The following CELF2 variants were observed in gnomAD, a reference collection of about 807,000 sequenced individuals.
CELF2 encodes CUGBP Elav-like family member 2, also known as CUG triplet repeat RNA-binding protein 2.
A neutral mutation model predicts 62.6 loss-of-function variants in CELF2; 8 were observed. That is an observed-to-expected ratio of 0.13 (90% CI 0.07 to 0.23). The LOEUF (loss-of-function observed/expected upper bound fraction) is 0.23. CELF2 is among the 10% of genes least tolerant of loss of function. The probability of loss-of-function intolerance (pLI) is 1.00; values close to 1 mark genes in which losing one functional copy is unlikely to be tolerated. For synonymous variants in CELF2, 258 were observed against 250.0 expected (o/e 1.03, Z -0.30); for missense variants, 333 against 671.0 (o/e 0.50, Z 5.56).
chr10:10,740,229 T>C, the CELF2 span, among the ~76,000 whole-genome samples: 4 of 151,702 alleles, frequency 2.6e-5, no homozygotes, highest in African/African-American at 9.7e-5. Context: ...CCCCTGTGTT[T>C]TCTTCTAGTA....
At chr10:10,747,976 G>A in the CELF2 span, among the ~76,000 whole-genome samples, 2 of 152,158 alleles carry the variant, frequency 1.3e-5, no homozygotes, top group Non-Finnish European at 2.9e-5. Context: ...CAAATGCACA[G>A]AAAGACAAAT....
At chr10:11,299,571 C>T (rs1057509893) in intron 9 of CELF2, among the ~76,000 whole-genome samples, 56 of 152,192 alleles carry the variant, frequency 3.7e-4, no homozygotes, top group African/African-American at 1.3e-3. Flanking sequence ...GGCCCGAGCC[C>T]GGTCCCATCA....
the CELF2 span, among the ~76,000 whole-genome samples, chr10:10,634,667 T>TTG: frequency 8.4e-4 from 1 of 1,192 alleles, no homozygotes; most frequent in African/African-American, 1.1e-3. Flanking sequence ...TTTTCTTTTC[T>TTG]TTTTTTTTTT....
At position 11,008,110 on chromosome 10, in the gene CELF2, A is replaced by G. The variant is rs952065093; in HGVS notation, c.53+2670A>G. Among the ~76,000 whole-genome samples, 1 of 152,216 alleles carries G rather than the reference A, an allele frequency of 6.6e-6. No individual in the cohort carries two copies. Among genetic ancestry groups the G allele is most frequent in the Admixed American group, 6.5e-5 (1 of 15,282 alleles). On this transcript the variant is annotated intron_variant, in intron 1 of 12. Transcript: ENST00000416382. The surrounding 1 kb of genome is among the most constrained non-coding windows in gnomAD (Gnocchi z 4.5). Reference sequence around the variant, plus strand: ...ACTTGTCTACATCTATTTCCACAACAGGAACAGGATACGTAATCTGTATCC... The same window carrying G: ...ACTTGTCTACATCTATTTCCACAACGGGAACAGGATACGTAATCTGTATCC...
chr10:10,985,322 TA>T (rs1294762263), intron 2 of CELF2, among the ~76,000 whole-genome samples: 41 of 146,346 alleles, frequency 2.8e-4, no homozygotes, highest in Admixed American at 2.7e-3. Flanking sequence ...CATTAATAGC[TA>T]TTAGAAGTAA....
intron 1 of CELF2, among the ~76,000 whole-genome samples, chr10:10,898,202 T>C (rs1046634700): frequency 6.6e-6 from 1 of 152,182 alleles, no homozygotes; most frequent in African/African-American, 2.4e-5. Context: ...GTATCACAGG[T>C]CCACAGACGG....
rs551050093 is a variant in CELF2, at chr10:11,020,779, C to T, written c.74+2616C>T. Reference sequence around the variant, plus strand: ...AAATAGCTTTTGAGATGAATTATTACGCTTGATAGCCCCACGAGCTATCCA... The same window carrying T: ...AAATAGCTTTTGAGATGAATTATTATGCTTGATAGCCCCACGAGCTATCCA... On this transcript the variant is annotated intron_variant, in intron 1 of 12. Transcript: ENST00000633077. Among the ~76,000 whole-genome samples the T allele has an allele frequency of 5.9e-5, 9 of 152,254 alleles. No homozygotes were observed. In the East Asian group the frequency reaches 7.7e-4, roughly 13 times the overall value.
chr10:10,694,778 G>T, the CELF2 span, among the ~76,000 whole-genome samples: 1 of 151,742 alleles, frequency 6.6e-6, no homozygotes, highest in African/African-American at 2.4e-5. Context: ...GGCCTTCTTT[G>T]TCTCTTTTGA....
chr10:11,313,273 T>C (rs910391251), intron 9 of CELF2, among the ~76,000 whole-genome samples: 2 of 152,222 alleles, frequency 1.3e-5, no homozygotes, highest in African/African-American at 4.8e-5. Context: ...TGCATAGAAA[T>C]ATACCTTCAA....
intron 9 of CELF2, among the ~76,000 whole-genome samples, chr10:11,310,092 C>T (rs2094480732): frequency 6.6e-6 from 1 of 152,182 alleles, no homozygotes; most frequent in African/African-American, 2.4e-5. Flanking sequence ...GGACCCAGTA[C>T]TCAGAATGCT....
intron 1 of CELF2, among the ~76,000 whole-genome samples, chr10:10,917,430 C>T (rs948157848): frequency 1.2e-4 from 18 of 152,148 alleles, no homozygotes; most frequent in Non-Finnish European, 2.5e-4. Flanking sequence ...GCTGTGACCT[C>T]CTGGGCTCAA....
At chr10:10,796,930 C>G, upstream of CELF2, 2 of 980,646 alleles carry the variant, frequency 2.0e-6, no homozygotes, top group South Asian at 4.7e-5. Flanking sequence ...TAATTTTAGT[C>G]TAGAGACAGT....
chr10:10,771,358 A>G, the CELF2 span, among the ~76,000 whole-genome samples: 1 of 152,152 alleles, frequency 6.6e-6, no homozygotes, highest in Non-Finnish European at 1.5e-5. Flanking sequence ...ATCTTCCCAG[A>G]TGCTGGCAGA....
At chr10:10,939,276 G>GTTATT (rs751170027) in intron 2 of CELF2, among the ~76,000 whole-genome samples, 4 of 120,364 alleles carry the variant, frequency 3.3e-5, no homozygotes, top group African/African-American at 1.2e-4. Context: ...TTTGTTTTGT[G>GTTATT]GTGTTGTTGT....
chr10:10,810,050 C>T (rs978061595), intron 1 of CELF2, among the ~76,000 whole-genome samples: 2 of 152,164 alleles, frequency 1.3e-5, no homozygotes, highest in African/African-American at 4.8e-5. Flanking sequence ...ATATTTCCCT[C>T]TAAGCCAATT....
At chr10:10,665,403 A>AAT in the CELF2 span, among the ~76,000 whole-genome samples, 13 of 151,820 alleles carry the variant, frequency 8.6e-5, no homozygotes, top group South Asian at 8.3e-4. Context: ...TGTATCCATA[A>AAT]ATATATATAT....
intron 1 of CELF2, among the ~76,000 whole-genome samples, chr10:11,078,207 G>T (rs2072718036): frequency 6.6e-6 from 1 of 151,384 alleles, no homozygotes. Flanking sequence ...TGCTCCTCCA[G>T]TTGCTGTATA....
the CELF2 span, among the ~76,000 whole-genome samples, chr10:10,590,070 T>A: frequency 9.5e-4 from 145 of 152,294 alleles, no homozygotes; most frequent in African/African-American, 3.3e-3. Flanking sequence ...GTGAGGCCAC[T>A]GTCTGGGGGT....
the CELF2 span, among the ~76,000 whole-genome samples, chr10:10,541,099 C>T: frequency 2.6e-5 from 4 of 151,722 alleles, no homozygotes; most frequent in East Asian, 1.9e-4. Flanking sequence ...AAAAATTAGC[C>T]GGGCGTGGTG....
Sources: allele counts gnomAD v4.1 joint callset (sites outside exome capture counted in the v4.1 genomes callset), GRCh38; gene constraint gnomAD v4.1.1; non-coding constraint Gnocchi (gnomAD v3.1); transcripts MANE v1.5; gene names NCBI Gene and HGNC (gene_info 2026-07-23, HGNC 2026-07-21).